RAD51B: variants seen among roughly 807,000 people sequenced by gnomAD.
RAD51B encodes the protein DNA repair protein RAD51 homolog 2.
In RAD51B, 38 loss-of-function variants were observed where a neutral mutation model predicts 42.2. The ratio of observed to expected loss-of-function variants is 0.90; its 90% confidence interval spans 0.70 to 1.18. RAD51B has a LOEUF of 1.18. RAD51B is among the 50% of genes most tolerant of loss of function. RAD51B has a pLI of 0.00. For missense variants in RAD51B, 373 were observed against 400.7 expected (o/e 0.93, Z 0.59); for synonymous variants, 154 against 145.2 (o/e 1.06, Z -0.43).
At position 68,281,715 on chromosome 14, in the gene RAD51B, G is replaced by A. The variant is rs146050992; in HGVS notation, c.757-10169G>A. ...TTATTAATGATGTCATATGAGAGGC[G>A]ACAAATAGCTACCTGAAAATGAGGG... On this transcript the variant is annotated intron_variant, in intron 7 of 10. Coordinates refer to ENST00000471583, the MANE Select transcript of RAD51B (RefSeq NM_133510.4). Among the ~76,000 whole-genome samples the A allele has an allele frequency of 1.1e-3, 166 of 152,282 alleles. 1 individual carries two copies. The highest frequency in any genetic ancestry group is 0.01 in the Middle Eastern group (3 of 294).
intron 7 of RAD51B, among the ~76,000 whole-genome samples, chr14:68,185,086 G>A (rs527722573): frequency 6.6e-6 from 1 of 152,050 alleles, no homozygotes; most frequent in African/African-American, 2.4e-5. Flanking sequence ...TATGCACTGG[G>A]AGTGTACTCC....
chr14:68,183,398 C>G (rs2140888137), intron 7 of RAD51B, among the ~76,000 whole-genome samples: 1 of 152,204 alleles, frequency 6.6e-6, no homozygotes, highest in African/African-American at 2.4e-5. Flanking sequence ...CAACTTCTGC[C>G]TGCTTCTTTC....
At chr14:67,909,176 A>G (rs972992103) in intron 7 of RAD51B, among the ~76,000 whole-genome samples, 3 of 152,222 alleles carry the variant, frequency 2.0e-5, no homozygotes, top group African/African-American at 2.4e-5. Flanking sequence ...TCGTGAAGCC[A>G]TAAAGTTTGA....
intron 8 of RAD51B, among the ~76,000 whole-genome samples, chr14:68,353,982 CA>C: frequency 6.6e-6 from 1 of 152,248 alleles, no homozygotes; most frequent in East Asian, 1.9e-4. Context: ...TGATGTTAGG[CA>C]AGCAAGCATA....
At chr14:67,854,747 G>A (rs1020934760) in intron 4 of RAD51B, among the ~76,000 whole-genome samples, 3 of 152,016 alleles carry the variant, frequency 2.0e-5, no homozygotes, top group Non-Finnish European at 4.4e-5. Context: ...AGGATCGCTT[G>A]AGGCCAGGAG....
downstream of RAD51B, among the ~76,000 whole-genome samples, chr14:68,599,634 A>G (rs983644643): frequency 3.9e-5 from 6 of 152,228 alleles, no homozygotes; most frequent in East Asian, 1.9e-4. Flanking sequence ...TCCTTCATCA[A>G]TCAGCTCAGT....
At chr14:68,050,890 T>A (rs187407182) in intron 7 of RAD51B, among the ~76,000 whole-genome samples, 2,104 of 152,072 alleles carry the variant, frequency 0.014, 25 homozygotes, top group Non-Finnish European at 0.021. Flanking sequence ...TTGCCTTTTT[T>A]TTTATTTATT....
chr14:68,316,694 G>A (rs1489710225), intron 8 of RAD51B, among the ~76,000 whole-genome samples: 1 of 152,164 alleles, frequency 6.6e-6, no homozygotes, highest in South Asian at 2.1e-4. Context: ...GAACACTCCC[G>A]CCAGAGTGGA....
chr14:68,240,231 G>C (rs1177519214), intron 7 of RAD51B, among the ~76,000 whole-genome samples: 1 of 152,120 alleles, frequency 6.6e-6, no homozygotes, highest in Non-Finnish European at 1.5e-5. Flanking sequence ...TGCCTGTTGT[G>C]TGTGTAATAA....
chr14:68,511,656 G>A (rs1885735852), intron 10 of RAD51B, among the ~76,000 whole-genome samples: 1 of 152,224 alleles, frequency 6.6e-6, no homozygotes, highest in African/African-American at 2.4e-5. Flanking sequence ...GTAAGAACTA[G>A]TCTACAATAA....
chr14:67,857,213 T>C (rs957575339), intron 4 of RAD51B, among the ~76,000 whole-genome samples: 1 of 152,190 alleles, frequency 6.6e-6, no homozygotes, highest in Non-Finnish European at 1.5e-5. Flanking sequence ...TATAATTTTT[T>C]TGAGTCTAGG....
intron 4 of RAD51B, among the ~76,000 whole-genome samples, chr14:67,854,172 CAT>C (rs1330886569): frequency 6.6e-6 from 1 of 152,166 alleles, no homozygotes; most frequent in Non-Finnish European, 1.5e-5. Context: ...TTCTACCACA[CAT>C]ATACTGTATA....
chr14:68,072,053 T>TATATA (rs1469055013), intron 7 of RAD51B, among the ~76,000 whole-genome samples: 1 of 112,290 alleles, frequency 8.9e-6, no homozygotes, highest in African/African-American at 4.8e-5. Context: ...ATATATATAA[T>TATATA]TATATATATT....
chr14:68,443,488 T>C (rs2085349689), intron 9 of RAD51B, among the ~76,000 whole-genome samples: 2 of 152,146 alleles, frequency 1.3e-5, no homozygotes, highest in Admixed American at 6.5e-5. Flanking sequence ...ATCACTCACA[T>C]GATGACCAAA....
intron 10 of RAD51B, among the ~76,000 whole-genome samples, chr14:68,577,839 T>A (rs1293310037): frequency 4.6e-5 from 7 of 152,206 alleles, no homozygotes; most frequent in Admixed American, 4.6e-4. Context: ...GTGGTGTACA[T>A]GCTCAATAAG....
chr14:67,989,874 T>A (rs1186621889), intron 7 of RAD51B, among the ~76,000 whole-genome samples: 1 of 152,118 alleles, frequency 6.6e-6, no homozygotes, highest in Non-Finnish European at 1.5e-5. Context: ...TTAGGCAGTT[T>A]TATTCCCCAG....
intron 7 of RAD51B, among the ~76,000 whole-genome samples, chr14:67,990,466 T>C (rs2075276442): frequency 6.6e-6 from 1 of 152,224 alleles, no homozygotes; most frequent in Admixed American, 6.5e-5. Context: ...AACCCGTTCC[T>C]TACTTTGTAG....
intron 7 of RAD51B, among the ~76,000 whole-genome samples, chr14:68,129,558 A>G (rs2077842324): frequency 6.6e-6 from 1 of 152,202 alleles, no homozygotes; most frequent in Non-Finnish European, 1.5e-5. Flanking sequence ...ACAGGGTCAC[A>G]GTGGAAATTT....
At chr14:68,181,359 G>C (rs182624150) in intron 7 of RAD51B, among the ~76,000 whole-genome samples, 1 of 152,148 alleles carries the variant, frequency 6.6e-6, no homozygotes, top group African/African-American at 2.4e-5. Context: ...GTTTCACCTC[G>C]AGTCCAGGGC....
Sources: allele counts gnomAD v4.1 joint callset (sites outside exome capture counted in the v4.1 genomes callset), GRCh38; gene constraint gnomAD v4.1.1; transcripts MANE v1.5; gene names NCBI Gene and HGNC (gene_info 2026-07-23, HGNC 2026-07-21).